Variants in ERBB4 observed in about 807,000 individuals in gnomAD.
ERBB4 encodes receptor tyrosine-protein kinase erbB-4.
In ERBB4, 42 loss-of-function variants were observed where a neutral mutation model predicts 158.0. The observed-to-expected ratio is 0.27, with a 90% CI of 0.21 to 0.34. The LOEUF (loss-of-function observed/expected upper bound fraction) is 0.34. ERBB4 is among the 10% of genes least tolerant of loss of function. ERBB4 has a pLI of 1.00. For missense variants in ERBB4, 1,333 were observed against 1,624.1 expected, an observed-to-expected ratio of 0.82 and a Z score of 3.08; for synonymous variants, 583 against 558.7, an observed-to-expected ratio of 1.04 and a Z score of -0.61.
intron 19 of ERBB4, among the ~76,000 whole-genome samples, chr2:211,606,281 C>T (rs773566566): frequency 2.3e-4 from 35 of 151,874 alleles, no homozygotes; most frequent in Non-Finnish European, 3.5e-4. Flanking sequence ...CATTTGTAAA[C>T]GGGAATGTTA....
At chr2:211,797,236 T>G (rs1209870268) in intron 3 of ERBB4, among the ~76,000 whole-genome samples, 1 of 151,870 alleles carries the variant, frequency 6.6e-6, no homozygotes, top group Non-Finnish European at 1.5e-5. Flanking sequence ...AACAAATCAG[T>G]AGAGTTCAAT....
chr2:212,233,724 A>G (rs1438516574), intron 1 of ERBB4, among the ~76,000 whole-genome samples: 1 of 152,060 alleles, frequency 6.6e-6, no homozygotes, highest in Admixed American at 6.5e-5. Flanking sequence ...TGTTGGTTTT[A>G]TATTCCCTTT....
intron 16 of ERBB4, chr2:211,657,522 A>AT: frequency 2.0e-6 from 1 of 498,968 alleles, no homozygotes; most frequent in South Asian, 2.1e-5. Context: ...AAAAAAAAAA[A>AT]AGAAATCGAT....
intron 1 of ERBB4, among the ~76,000 whole-genome samples, chr2:212,126,530 T>C (rs2079934729): frequency 6.6e-6 from 1 of 151,488 alleles, no homozygotes; most frequent in Admixed American, 6.6e-5. Flanking sequence ...ACTATTCTTA[T>C]GGTTTATATA....
chr2:212,271,882 T>A (rs1479984824), intron 1 of ERBB4, among the ~76,000 whole-genome samples: 1 of 151,832 alleles, frequency 6.6e-6, no homozygotes, highest in Non-Finnish European at 1.5e-5. Flanking sequence ...CAAGATGCTC[T>A]AGACGTTTAG....
chr2:211,432,382 A>C (rs1009887932), intron 20 of ERBB4, among the ~76,000 whole-genome samples: 1 of 152,202 alleles, frequency 6.6e-6, no homozygotes, highest in Non-Finnish European at 1.5e-5. Context: ...ATATAAATGC[A>C]CATTAAACAC....
At chr2:212,239,688 C>T (rs2084011602) in intron 1 of ERBB4, among the ~76,000 whole-genome samples, 2 of 152,112 alleles carry the variant, frequency 1.3e-5, no homozygotes, top group African/African-American at 4.8e-5. Context: ...GGTCTGTCTC[C>T]ACTTGAAAGC....
intron 1 of ERBB4, among the ~76,000 whole-genome samples, chr2:212,471,011 CA>C (rs894476725): frequency 6.6e-6 from 1 of 151,984 alleles, no homozygotes; most frequent in Non-Finnish European, 1.5e-5. Context: ...AAATACTACA[CA>C]GGACCTAGAC....
At chr2:211,713,012 G>A (rs574158243) in intron 8 of ERBB4, among the ~76,000 whole-genome samples, 8 of 152,154 alleles carry the variant, frequency 5.3e-5, no homozygotes, top group Non-Finnish European at 7.4e-5. Context: ...TCCTTCCTCC[G>A]CTAAAATTCT....
chr2:212,250,858 G>T (rs1282420207), intron 1 of ERBB4, among the ~76,000 whole-genome samples: 1 of 151,748 alleles, frequency 6.6e-6, no homozygotes, highest in Non-Finnish European at 1.5e-5. Context: ...CTGCTCCCCT[G>T]TTTTCTTATT....
chr2:211,730,564 C>T (rs912496202), intron 5 of ERBB4, among the ~76,000 whole-genome samples: 1 of 151,960 alleles, frequency 6.6e-6, no homozygotes, highest in African/African-American at 2.4e-5. Context: ...GATCAACTAA[C>T]AGTCTTTCAA....
chr2:211,464,476 A>C (rs1028060774), intron 20 of ERBB4, among the ~76,000 whole-genome samples: 22 of 152,148 alleles, frequency 1.4e-4, no homozygotes, highest in Non-Finnish European at 2.6e-4. Context: ...GGCTAAATAT[A>C]TTCTGGCTAA....
chr2:212,478,896 A>G (rs780869449), intron 1 of ERBB4, among the ~76,000 whole-genome samples: 9 of 152,158 alleles, frequency 5.9e-5, no homozygotes, highest in Non-Finnish European at 1.0e-4. Context: ...ATGATGATTT[A>G]GCTTGTCTTC....
chr2:211,447,856 T>A (rs2064149874), intron 20 of ERBB4, among the ~76,000 whole-genome samples: 1 of 152,212 alleles, frequency 6.6e-6, no homozygotes. Context: ...AATTAGAATA[T>A]TTAAATCAAA....
At chr2:211,889,496 C>T (rs1427765731) in intron 3 of ERBB4, among the ~76,000 whole-genome samples, 3 of 151,770 alleles carry the variant, frequency 2.0e-5, no homozygotes, top group Non-Finnish European at 4.4e-5. Flanking sequence ...GAGCGCCTCT[C>T]CTCCTCCAAA....
At chr2:212,255,136 G>A (rs1357119856) in intron 1 of ERBB4, among the ~76,000 whole-genome samples, 1 of 152,094 alleles carries the variant, frequency 6.6e-6, no homozygotes. Context: ...TCTCGCTGTT[G>A]TGCATTAGGC....
chr2:212,072,380 T>A (rs2078147889), intron 2 of ERBB4, among the ~76,000 whole-genome samples: 1 of 151,948 alleles, frequency 6.6e-6, no homozygotes, highest in South Asian at 2.1e-4. Context: ...ATGATGATAG[T>A]TTTCCGTATT....
At chr2:212,483,981 C>T (rs1689848289) in intron 1 of ERBB4, among the ~76,000 whole-genome samples, 1 of 152,090 alleles carries the variant, frequency 6.6e-6, no homozygotes, top group Admixed American at 6.5e-5. Context: ...CGTGATCCGC[C>T]CACCTCGGCC....
rs182833009 is a variant in ERBB4 at position 212,291,194 on chromosome 2, T to C, written c.83-166291A>G. On this transcript the variant is annotated intron_variant, in intron 1 of 27. Coordinates refer to ENST00000342788, the MANE Select transcript of ERBB4 (RefSeq NM_005235.3). ...AGCATATTTAACATTGAAATAACTT[T>C]AACACAGCCCATGACAAGTTTAAGG... 4.6e-5 allele frequency among the ~76,000 whole-genome samples: 7 copies of C among 152,216 alleles called. No individual in the cohort carries two copies. In the East Asian group the frequency reaches 1.4e-3, roughly 29 times the overall value.
Sources: allele counts gnomAD v4.1 joint callset (sites outside exome capture counted in the v4.1 genomes callset), GRCh38; gene constraint gnomAD v4.1.1; transcripts MANE v1.5; gene names NCBI Gene and HGNC (gene_info 2026-07-23, HGNC 2026-07-21).